The following ATP2B2 variants were observed in gnomAD, a reference collection of about 807,000 sequenced individuals.
The protein encoded by ATP2B2 is plasma membrane calcium-transporting ATPase 2.
ATP2B2 carries 15 observed loss-of-function variants against 120.0 expected under a neutral mutation model. That is an observed-to-expected ratio of 0.12 (90% confidence interval 0.08 to 0.19). The LOEUF (loss-of-function observed/expected upper bound fraction) is 0.19. Among genes scored for constraint, ATP2B2 ranks in the 10% least tolerant of loss-of-function variants. The pLI, the probability that ATP2B2 is intolerant of heterozygous loss-of-function variation, is 1.00. For missense variants in ATP2B2, 1,045 were observed against 1,719.8 expected (o/e 0.61, Z 6.94); for synonymous variants, 694 against 700.3 (o/e 0.99, Z 0.14).
chr3:10,688,798 A>G (rs1575625980), intron 1 of ATP2B2, among the ~76,000 whole-genome samples: 1 of 152,232 alleles, frequency 6.6e-6, no homozygotes, highest in East Asian at 1.9e-4. Flanking sequence ...AGTGGGATGG[A>G]ATTCCTCGCT....
chr3:10,432,904 C>T (rs541788844), intron 2 of ATP2B2, among the ~76,000 whole-genome samples: 117 of 152,270 alleles, frequency 7.7e-4, no homozygotes, highest in African/African-American at 2.7e-3. Context: ...CTCTGTGGCC[C>T]CCAAGTTGAG....
At chr3:10,564,825 C>T (rs909023530) in intron 2 of ATP2B2, among the ~76,000 whole-genome samples, 4 of 152,170 alleles carry the variant, frequency 2.6e-5, no homozygotes, top group Admixed American at 2.6e-4. Flanking sequence ...CAACAATTCC[C>T]AGATAGGACA....
chr3:10,554,365 T>C (rs1017812335), intron 2 of ATP2B2, among the ~76,000 whole-genome samples: 1 of 152,110 alleles, frequency 6.6e-6, no homozygotes, highest in African/African-American at 2.4e-5. Flanking sequence ...TGTCAGCTTA[T>C]GGCAAAGGGA....
Position 10,375,548 on chromosome 3 carries a change from G to A in ATP2B2, c.1298C>T (p.Thr433Met), listed in dbSNP as rs770734675. 39 of 1,613,594 alleles carry A rather than the reference G, an allele frequency of 2.4e-5. No homozygotes were observed. The highest frequency in any genetic ancestry group is 8.0e-5 in the African/African-American group (6 of 74,924). Residue 433 changes from threonine (T) to methionine (M), a missense_variant, in exon 11 of 23, where the codon ACG becomes ATG. Thr to Met is a moderately conservative substitution (Grantham distance 81, BLOSUM62 -1). Around this residue, in one of 11 missense-constraint regions of ATP2B2, gnomAD observed 343 missense variants for 536.8 expected, o/e 0.64. Transcript: ENST00000360273. This position sits in a 1 kb window ranked among gnomAD's most constrained non-coding sequence, Gnocchi z 4.2. ...GACAAAGTACTGCACGTAGACGGGC[G>A]TGCACTCAGGCAGCCACGGCTTCTT... ...VNKKPWLPECTPVYVQYFVKF... is the reference protein window; with the variant it reads ...VNKKPWLPECMPVYVQYFVKF...
chr3:10,380,399 A>G (rs761303798), intron 8 of ATP2B2, among the ~76,000 whole-genome samples: 14 of 152,248 alleles, frequency 9.2e-5, no homozygotes, highest in Non-Finnish European at 1.8e-4. Flanking sequence ...GATGGCTGCA[A>G]TGGTGATTCT....
intron 2 of ATP2B2, among the ~76,000 whole-genome samples, chr3:10,413,635 G>A (rs978652348): frequency 4.6e-5 from 7 of 152,198 alleles, no homozygotes; most frequent in African/African-American, 9.7e-5. Flanking sequence ...TGTACAGAGC[G>A]TGCAGGCACG....
intron 2 of ATP2B2, among the ~76,000 whole-genome samples, chr3:10,545,542 T>A (rs1427852033): frequency 1.4e-5 from 2 of 145,210 alleles, no homozygotes; most frequent in Admixed American, 1.4e-4. Flanking sequence ...AAAAAAAAAA[T>A]TAAATAAATA....
intron 1 of ATP2B2, among the ~76,000 whole-genome samples, chr3:10,701,001 A>G (rs1164725093): frequency 6.6e-6 from 1 of 152,266 alleles, no homozygotes; most frequent in Non-Finnish European, 1.5e-5. Context: ...ATGTCAAAAG[A>G]GGTAAACCAA....
intron 1 of ATP2B2, among the ~76,000 whole-genome samples, chr3:10,500,374 G>A (rs2066336109): frequency 6.6e-6 from 1 of 152,098 alleles, no homozygotes; most frequent in Non-Finnish European, 1.5e-5. Context: ...ACTGCAGTGG[G>A]TTGAACGGTG....
In ATP2B2 at chr3:10,471,364, C is replaced by CTGAGTGTGTGTGTGTGTGTG. The variant is rs1221371075; in HGVS notation, c.-319-21503_-319-21502insCACACACACACACACACTCA. 8.0e-4 allele frequency among the ~76,000 whole-genome samples: 121 copies of CTGAGTGTGTGTGTGTGTGTG among 150,464 alleles called. 1 individual carries two copies. The highest frequency in any genetic ancestry group is 2.6e-3 in the African/African-American group (108 of 41,018). ...TGGTTTTAAAAGGGGTTCAGGAAAC[C>CTGAGTGTGTGTGTGTGTGTG]TGTGTGTGTGTGTGTGTGTGTGTGT... On this transcript the variant is annotated intron_variant, in intron 1 of 22. Coordinates refer to ENST00000360273, the MANE Select transcript of ATP2B2 (RefSeq NM_001001331.4).
intron 2 of ATP2B2, among the ~76,000 whole-genome samples, chr3:10,553,414 G>T (rs1374361078): frequency 6.6e-6 from 1 of 152,134 alleles, no homozygotes; most frequent in Non-Finnish European, 1.5e-5. Context: ...AGGGTGGAGG[G>T]GAAGAACAAT....
intron 1 of ATP2B2, among the ~76,000 whole-genome samples, chr3:10,503,551 C>T (rs2066479304): frequency 6.6e-6 from 1 of 152,258 alleles, no homozygotes. Context: ...CAAGCTCTCC[C>T]TAGCACCCAC....
chr3:10,673,788 C>T (rs1362000374), intron 1 of ATP2B2, among the ~76,000 whole-genome samples: 13 of 93,208 alleles, frequency 1.4e-4, no homozygotes, highest in African/African-American at 4.9e-4. Context: ...GCGTGGGTGA[C>T]AGGGTGAGAC....
At position 10,357,619 on chromosome 3, in the gene ATP2B2, T is replaced by G. The variant is rs903143137; in HGVS notation, c.2136+1072A>C. Among the ~76,000 whole-genome samples, 14 of 150,640 alleles carry G rather than the reference T, an allele frequency of 9.3e-5. No individual in the cohort carries two copies. In the South Asian group the frequency reaches 3.0e-3, roughly 32 times the overall value. On this transcript the variant is annotated intron_variant, in intron 14 of 22. Transcript: ENST00000360273. ...TAGGTCCATTAAGGAGTGGAGGAGGTGGGCCCTCAAAGCATCAGCACCAAA... is the reference window on the plus strand; with the variant it reads ...TAGGTCCATTAAGGAGTGGAGGAGGGGGGCCCTCAAAGCATCAGCACCAAA...
chr3:10,650,760 A>G (rs1032647756), intron 1 of ATP2B2, among the ~76,000 whole-genome samples: 2 of 152,164 alleles, frequency 1.3e-5, no homozygotes, highest in Non-Finnish European at 2.9e-5. Flanking sequence ...AGGTACATTG[A>G]CAGCTTGCAC....
chr3:10,577,236 G>A (rs2068274776), intron 2 of ATP2B2, among the ~76,000 whole-genome samples: 1 of 152,076 alleles, frequency 6.6e-6, no homozygotes, highest in Admixed American at 6.5e-5. Flanking sequence ...AGAATCACTA[G>A]GCTGGGAGGC....
rs1200799808 is a variant in ATP2B2, at chr3:10,469,289, A to G, written c.-319-19427T>C. ...TTACACGTCATCTCATCCGATCCACATCACATCCCTATGAGGCAGGTATTC... is the reference window on the plus strand; with the variant it reads ...TTACACGTCATCTCATCCGATCCACGTCACATCCCTATGAGGCAGGTATTC... On this transcript the variant is annotated intron_variant, in intron 1 of 22. Coordinates refer to ENST00000360273, the MANE Select transcript of ATP2B2 (RefSeq NM_001001331.4). Among the ~76,000 whole-genome samples the G allele has an allele frequency of 2.6e-5, 4 of 152,284 alleles. No homozygotes were observed. In the East Asian group the frequency reaches 7.7e-4, roughly 29 times the overall value.
chr3:10,543,096 C>T (rs936514243), intron 2 of ATP2B2, among the ~76,000 whole-genome samples: 2 of 152,190 alleles, frequency 1.3e-5, no homozygotes, highest in African/African-American at 4.8e-5. Flanking sequence ...TCATTCCTTC[C>T]TCTGTCCCTT....
chr3:10,499,086 A>C (rs1256668901), intron 1 of ATP2B2, among the ~76,000 whole-genome samples: 1 of 152,216 alleles, frequency 6.6e-6, no homozygotes, highest in Non-Finnish European at 1.5e-5. Context: ...AGTAGTAAAC[A>C]CTGGCATTAG....
Sources: gnomAD v4.1 joint callset for allele counts (sites outside exome capture counted in the v4.1 genomes callset) on GRCh38, gnomAD v4.1.1 for gene constraint, gnomAD v4.1.1 regional missense constraint, Gnocchi (gnomAD v3.1) non-coding constraint, MANE v1.5 for transcripts, NCBI Gene and HGNC (gene_info 2026-07-23, HGNC 2026-07-21) for gene names.